NOX4: variants seen among roughly 807,000 people sequenced by gnomAD.
NOX4 encodes the protein kidney oxidase-1.
NOX4 carries 69 observed loss-of-function variants against 87.6 expected under a neutral mutation model. The ratio of observed to expected loss-of-function variants is 0.79; its 90% confidence interval spans 0.65 to 0.96. The LOEUF (loss-of-function observed/expected upper bound fraction) is 0.96. Among genes scored for constraint, NOX4 ranks in the 40% least tolerant of loss-of-function variants. NOX4 has a pLI of 0.00. For missense variants in NOX4, 680 were observed against 681.5 expected, an observed-to-expected ratio of 1.00 and a Z score of 0.02; for synonymous variants, 275 against 238.2, an observed-to-expected ratio of 1.15 and a Z score of -1.42.
chr11:89,515,551 T>C, the NOX4 span, among the ~76,000 whole-genome samples: 4 of 151,798 alleles, frequency 2.6e-5, no homozygotes, highest in Admixed American at 2.6e-4. Context: ...GATGTCTTTT[T>C]AAAAGAGTGT....
intron 17 of NOX4, among the ~76,000 whole-genome samples, chr11:89,332,363 C>T (rs570970160): frequency 1.3e-5 from 2 of 151,886 alleles, no homozygotes; most frequent in South Asian, 4.1e-4. Context: ...ACTCAAAAAG[C>T]CAAACAAAGT....
intron 5 of NOX4, chr11:89,443,782 T>C (rs1389289187): frequency 5.9e-6 from 1 of 169,034 alleles, no homozygotes; most frequent in African/African-American, 2.4e-5. Flanking sequence ...CAAAACCCAG[T>C]ATGTGAATTA....
rs1230997852 is a variant in NOX4, at chr11:89,324,644, CATAA to C, written c.*2108_*2111del. The C allele has an allele frequency of 6.6e-6, 1 of 152,118 alleles. No individual in the cohort carries two copies. Among genetic ancestry groups the C allele is most frequent in the Non-Finnish European group, 1.5e-5 (1 of 68,028 alleles). 9.4% of individuals were successfully genotyped at this position (152,118 alleles called of 1,614,324 possible). A position where few individuals can be genotyped will look rare whatever the true frequency, so the allele number is the denominator to read the frequency against. On this transcript the variant is annotated 3_prime_UTR_variant, in exon 18 of 18. Coordinates refer to ENST00000263317, the MANE Select transcript of NOX4 (RefSeq NM_016931.5). Reference sequence around the variant, plus strand: ...GAAATTAGGTCTATTAATATGATCGCATAAATAAATTATGATCAGTATAGAGTCA... The same window carrying C: ...GAAATTAGGTCTATTAATATGATCGCATAAATTATGATCAGTATAGAGTCA...
the NOX4 span, among the ~76,000 whole-genome samples, chr11:89,567,620 T>C: frequency 6.6e-6 from 1 of 152,190 alleles, no homozygotes; most frequent in East Asian, 1.9e-4. Flanking sequence ...GGAAGCCTCT[T>C]ATAAAACCAT....
At chr11:89,393,784 G>C (rs940017928) in intron 11 of NOX4, among the ~76,000 whole-genome samples, 1 of 152,146 alleles carries the variant, frequency 6.6e-6, no homozygotes, top group Admixed American at 6.6e-5. Context: ...CTGAGCCTTA[G>C]CAAGGTTGAG....
Position 89,402,507 on chromosome 11 carries a change from T to C in NOX4, c.665A>G (p.His222Arg). ...GTTAAGACTGATGCAGCCGGGAGGG[T>C]GGGTATCTAAATTAGTTTGATACTT... ...LLKYQTNLDT[H>R]PPGCISLNRT... The change falls in exon 9 of 18, where the codon CAC (histidine) becomes CGC (arginine). Residue 222 changes from histidine to arginine, a missense_variant. Transcript: ENST00000263317. The C allele has an allele frequency of 1.9e-6, 3 of 1,611,066 alleles. No individual in the cohort carries two copies. The highest frequency in any genetic ancestry group is 2.5e-6 in the Non-Finnish European group (3 of 1,179,030).
chr11:89,336,075 A>G, intron 16 of NOX4, 130 bp from the exon 17 acceptor site: 2 of 479,944 alleles, frequency 4.2e-6, no homozygotes, highest in Non-Finnish European at 3.8e-6. Flanking sequence ...TCAAATGGCA[A>G]CCTATCACGT....
intron 2 of NOX4, among the ~76,000 whole-genome samples, chr11:89,481,191 T>A (rs1463761434): frequency 1.3e-5 from 2 of 152,044 alleles, no homozygotes; most frequent in Non-Finnish European, 2.9e-5. Flanking sequence ...ATGCTCAGCA[T>A]CTGTATGCTC....
In NOX4 at chr11:89,342,167, C is replaced by T; in HGVS notation, c.1244G>A (p.Ser415Asn). The stretch of plus-strand genomic sequence containing the variant: ...ATAGTTCAGTGATTCCTCAAATGGA[C>T]TTCCAAAAGGACCATCAATATACAG... ...PKLYIDGPFG[S>N]PFEESLNYEV... The change falls in exon 14 of 18, where the codon AGT becomes AAT. Residue 415 changes from serine (S) to asparagine (N), a missense_variant. By Grantham distance (46) the Ser-to-Asn change is conservative (BLOSUM62 1). Coordinates refer to ENST00000263317, the MANE Select transcript of NOX4 (RefSeq NM_016931.5). 1 of 1,613,130 alleles carries T rather than the reference C, an allele frequency of 6.2e-7. No individual in the cohort carries two copies. The highest frequency in any genetic ancestry group is 1.3e-5 in the African/African-American group (1 of 74,998).
At chr11:89,355,967 T>C (rs1209891552) in intron 12 of NOX4, among the ~76,000 whole-genome samples, 2 of 152,114 alleles carry the variant, frequency 1.3e-5, no homozygotes, top group African/African-American at 4.8e-5. Flanking sequence ...AAGTACTAAC[T>C]GAAGTGAAAC....
At chr11:89,347,364 A>G (rs1159530316) in intron 13 of NOX4, among the ~76,000 whole-genome samples, 2 of 152,226 alleles carry the variant, frequency 1.3e-5, no homozygotes, top group Admixed American at 1.3e-4. Flanking sequence ...CCCTGAGGCA[A>G]GCAATTGCTT....
chr11:89,438,091 T>C (rs1240924957), intron 6 of NOX4, among the ~76,000 whole-genome samples: 1 of 151,018 alleles, frequency 6.6e-6, no homozygotes, highest in Admixed American at 6.7e-5. Context: ...TTAAGTGTCT[T>C]CTCTACTAAG....
chr11:89,421,199 G>A (rs985174016), intron 8 of NOX4, among the ~76,000 whole-genome samples: 5 of 152,162 alleles, frequency 3.3e-5, no homozygotes, highest in African/African-American at 1.2e-4. Flanking sequence ...TGTCATGCAG[G>A]TGTGAATGTC....
At chr11:89,347,452 A>C (rs556183641) in intron 13 of NOX4, among the ~76,000 whole-genome samples, 1 of 152,240 alleles carries the variant, frequency 6.6e-6, no homozygotes, top group Non-Finnish European at 1.5e-5. Flanking sequence ...TGCTTTTTAT[A>C]ATTTTATTTA....
chr11:89,470,402 T>C (rs538136816), intron 2 of NOX4, among the ~76,000 whole-genome samples: 2 of 152,312 alleles, frequency 1.3e-5, no homozygotes, highest in Non-Finnish European at 2.9e-5. Context: ...TAGGCAACTA[T>C]GTGTTCTATA....
chr11:89,556,309 A>G, the NOX4 span, among the ~76,000 whole-genome samples: 2 of 152,114 alleles, frequency 1.3e-5, no homozygotes, highest in Admixed American at 1.3e-4. Context: ...GATTACCTGA[A>G]CTCAGGAGTT....
At chr11:89,457,501 C>T (rs1261377463) in intron 2 of NOX4, among the ~76,000 whole-genome samples, 4 of 152,166 alleles carry the variant, frequency 2.6e-5, no homozygotes, top group Admixed American at 1.3e-4. Context: ...CACCTCAGCC[C>T]CCCGAGTGAA....
chr11:89,473,690 A>C (rs1946046060), intron 2 of NOX4, among the ~76,000 whole-genome samples: 1 of 152,098 alleles, frequency 6.6e-6, no homozygotes, highest in Non-Finnish European at 1.5e-5. Flanking sequence ...TTACTAATTG[A>C]ATCTATAAAA....
chr11:89,428,643 T>A lies in NOX4; in HGVS notation c.548+4141A>T, dbSNP rs571784253. Reference sequence around the variant, plus strand: ...AGGCCATTACATAATGGTAAAGGGATCAATTCAACAAGAAGAGCTAACTAT... The same window carrying A: ...AGGCCATTACATAATGGTAAAGGGAACAATTCAACAAGAAGAGCTAACTAT... On this transcript the variant is annotated intron_variant, in intron 7 of 17. Transcript: ENST00000263317. 7.2e-3 allele frequency among the ~76,000 whole-genome samples: 1,093 copies of A among 152,078 alleles called. 18 individuals carry two copies. Among genetic ancestry groups the A allele is most frequent in the African/African-American group, 0.025 (1,036 of 41,466 alleles).
Sources: allele counts gnomAD v4.1 joint callset (sites outside exome capture counted in the v4.1 genomes callset), GRCh38; gene constraint gnomAD v4.1.1; transcripts MANE v1.5; gene names NCBI Gene and HGNC (gene_info 2026-07-23, HGNC 2026-07-21).